The following DTNA variants were observed in gnomAD, a reference collection of about 807,000 sequenced individuals.
The protein encoded by DTNA is dystrophin-related protein 3.
A neutral mutation model predicts 100.7 loss-of-function variants in DTNA; 43 were observed. That is an observed-to-expected ratio of 0.43 (90% confidence interval 0.33 to 0.55). The LOEUF (loss-of-function observed/expected upper bound fraction) is 0.55, where lower values mean the gene tolerates loss of function less well. Among genes scored for constraint, DTNA ranks in the 20% least tolerant of loss-of-function variants. The probability of loss-of-function intolerance (pLI) is 0.04; values close to 1 mark genes in which losing one functional copy is unlikely to be tolerated. For missense variants in DTNA, 798 were observed against 953.9 expected, an observed-to-expected ratio of 0.84 and a Z score of 2.15; for synonymous variants, 349 against 347.9, an observed-to-expected ratio of 1.00 and a Z score of -0.04.
At chr18:34,879,408 CAAT>C in intron 19 of DTNA, 140 bp from the exon 20 acceptor site, 1 of 808,310 alleles carries the variant, frequency 1.2e-6, no homozygotes, top group Non-Finnish European at 2.0e-6. Context: ...TATTTTGAAA[CAAT>C]AAAAATGTAT....
chr18:34,806,405 C>A (rs1051054219), intron 5 of DTNA, 101 bp downstream of exon 5: 1 of 988,644 alleles, frequency 1.0e-6, no homozygotes, highest in Non-Finnish European at 1.6e-6. Flanking sequence ...TGTATCTTTC[C>A]TCATTCTATG....
intron 1 of DTNA, among the ~76,000 whole-genome samples, chr18:34,550,473 G>C (rs1330278719): frequency 6.6e-6 from 1 of 152,124 alleles, no homozygotes; most frequent in Non-Finnish European, 1.5e-5. Context: ...CTTAACAGCT[G>C]TGTCACATCA....
At chr18:34,688,133 C>T (rs2079177727) in intron 1 of DTNA, among the ~76,000 whole-genome samples, 1 of 152,096 alleles carries the variant, frequency 6.6e-6, no homozygotes, top group Non-Finnish European at 1.5e-5. Flanking sequence ...AGCATTTAGC[C>T]CATTTACATT....
chr18:34,806,408 A>G (rs2095362074), intron 5 of DTNA, 104 bp downstream of exon 5: 2 of 948,036 alleles, frequency 2.1e-6, no homozygotes, highest in African/African-American at 3.3e-5. Context: ...ATCTTTCCTC[A>G]TTCTATGAGA....
In DTNA at chr18:34,691,837, C is replaced by T. The variant is rs184066998; in HGVS notation, c.-1-64139C>T. ...GTACTCTTACATAACTTGCAATATG[C>T]TAGTCATCTTTCAATATCCAGCACA... On this transcript the variant is annotated intron_variant, in intron 1 of 19. Coordinates refer to the DTNA transcript ENST00000283365. 1.3e-3 allele frequency among the ~76,000 whole-genome samples: 191 copies of T among 152,324 alleles called. 1 individual carries two copies. The highest frequency in any genetic ancestry group is 2.2e-3 in the Non-Finnish European group (147 of 68,040).
intron 1 of DTNA, among the ~76,000 whole-genome samples, chr18:34,536,783 C>T (rs913682154): frequency 2.0e-5 from 3 of 151,908 alleles, no homozygotes; most frequent in African/African-American, 4.8e-5. Context: ...AACCCATATA[C>T]CAAATTACCC....
chr18:34,889,762 G>C lies in DTNA; in HGVS notation c.*2028G>C, dbSNP rs527261118. 5.1e-6 allele frequency: 5 copies of C among 986,688 alleles called. No individual in the cohort carries two copies. The South Asian group carries it at 1.9e-4, about 37-fold the overall frequency. The allele number at this position is 986,688 out of a possible 1,614,324, so 61.1% of individuals were successfully genotyped here. On this transcript the variant is annotated 3_prime_UTR_variant, in exon 23 of 23. Transcript: ENST00000444659. ...ATACTTAATCATATATCTCTCCAGA[G>C]AACTCACCTGACAAATGTCTCTGAG...
intron 3 of DTNA, among the ~76,000 whole-genome samples, chr18:34,793,417 ATG>A (rs1175773134): frequency 1.3e-5 from 2 of 152,198 alleles, no homozygotes; most frequent in East Asian, 3.8e-4. Context: ...TAGTTCAGTG[ATG>A]TGTGACTTAG....
At chr18:34,589,007 A>C (rs935192415) in intron 1 of DTNA, among the ~76,000 whole-genome samples, 2 of 150,436 alleles carry the variant, frequency 1.3e-5, no homozygotes, top group South Asian at 2.1e-4. Flanking sequence ...TTATAATACT[A>C]TACTAATTAT....
At chr18:34,538,828 A>T (rs1433422765) in intron 1 of DTNA, among the ~76,000 whole-genome samples, 1 of 152,024 alleles carries the variant, frequency 6.6e-6, no homozygotes, top group African/African-American at 2.4e-5. Context: ...GTATGTGTAC[A>T]GTCTTTGGGT....
intron 1 of DTNA, among the ~76,000 whole-genome samples, chr18:34,607,013 C>T (rs545661113): frequency 2.0e-5 from 3 of 152,146 alleles, no homozygotes; most frequent in African/African-American, 4.8e-5. Flanking sequence ...TACATTCCCA[C>T]GAAAGGGACT....
intron 1 of DTNA, among the ~76,000 whole-genome samples, chr18:34,518,412 G>C (rs1304114326): frequency 6.6e-6 from 1 of 151,914 alleles, no homozygotes; most frequent in Non-Finnish European, 1.5e-5. Context: ...AGAGCAAATA[G>C]TTTTGATTTT....
chr18:34,716,346 G>A (rs1881760203), intron 1 of DTNA, among the ~76,000 whole-genome samples: 2 of 152,150 alleles, frequency 1.3e-5, no homozygotes, highest in Admixed American at 6.6e-5. Flanking sequence ...TGGATCGCCT[G>A]AGATCAGGAG....
At chr18:34,513,385 T>C (rs142676439) in intron 1 of DTNA, 1 of 152,190 alleles carries the variant, frequency 6.6e-6, no homozygotes, top group Non-Finnish European at 1.5e-5. Context: ...GAGGAAAATA[T>C]GGCAAATTTC....
intron 1 of DTNA, among the ~76,000 whole-genome samples, chr18:34,499,463 T>C (rs1230511550): frequency 3.3e-5 from 5 of 152,336 alleles, no homozygotes; most frequent in African/African-American, 1.2e-4. Flanking sequence ...CATGTAAATA[T>C]TTTTGTATTA....
intron 3 of DTNA, among the ~76,000 whole-genome samples, chr18:34,787,858 T>C (rs558267424): frequency 6.6e-6 from 1 of 152,334 alleles, no homozygotes; most frequent in South Asian, 2.1e-4. Context: ...TCTTAGGTCT[T>C]AATAATTAAT....
chr18:34,815,552 A>G (rs982263252), intron 6 of DTNA: 3 of 272,098 alleles, frequency 1.1e-5, no homozygotes, highest in South Asian at 7.8e-5. Context: ...AGAGTGAGCT[A>G]TGATGCGTTC....
At chr18:34,662,029 T>C (rs962490795) in intron 1 of DTNA, among the ~76,000 whole-genome samples, 1 of 152,104 alleles carries the variant, frequency 6.6e-6, no homozygotes, top group Non-Finnish European at 1.5e-5. Flanking sequence ...AAACTCTTCA[T>C]TTCAACTCCA....
chr18:34,878,878 A>T (rs906798613), intron 19 of DTNA, among the ~76,000 whole-genome samples: 4 of 152,198 alleles, frequency 2.6e-5, no homozygotes, highest in Admixed American at 1.3e-4. Flanking sequence ...TGAGATTGCA[A>T]CTATAAGAAA....
Sources: gnomAD v4.1 joint callset for allele counts (sites outside exome capture counted in the v4.1 genomes callset) on GRCh38, gnomAD v4.1.1 for gene constraint, MANE v1.5 for transcripts, NCBI Gene and HGNC (gene_info 2026-07-23, HGNC 2026-07-21) for gene names.